GHR: variants seen among roughly 807,000 people sequenced by gnomAD.
The protein encoded by GHR is growth hormone receptor, also known as GH receptor.
Under a neutral mutation model 67.1 loss-of-function variants are expected in GHR, and 35 were observed. The ratio of observed to expected loss-of-function variants is 0.52; its 90% CI spans 0.40 to 0.69. The LOEUF is 0.69. Ranked by LOEUF, GHR falls within the 30% of genes least tolerant of loss-of-function variation. The probability of loss-of-function intolerance (pLI) is 0.00; values close to 1 mark genes in which losing one functional copy is unlikely to be tolerated. For synonymous variants in GHR, 272 were observed against 269.1 expected (o/e 1.01, Z -0.10); for missense variants, 792 against 764.6 (o/e 1.04, Z -0.42).
intron 3 of GHR, among the ~76,000 whole-genome samples, chr5:42,668,065 TAATTCTCACTGC>T (rs1458993235): frequency 6.6e-6 from 1 of 152,208 alleles, no homozygotes; most frequent in Non-Finnish European, 1.5e-5. Context: ...GTCATTTTTA[TAATTCTCACTGC>T]ACCTAAAGAG....
At chr5:42,649,181 T>C (rs1232076357) in intron 3 of GHR, among the ~76,000 whole-genome samples, 3 of 152,194 alleles carry the variant, frequency 2.0e-5, no homozygotes, top group Admixed American at 1.3e-4. Flanking sequence ...CAAGTATAAA[T>C]ACTACCTACT....
chr5:42,698,909 A>C (rs1235695306), intron 5 of GHR, among the ~76,000 whole-genome samples: 1 of 152,178 alleles, frequency 6.6e-6, no homozygotes. Flanking sequence ...TGGAATCCAT[A>C]TTTTTCTTCA....
chr5:42,678,580 A>G (rs1756683102), intron 3 of GHR, among the ~76,000 whole-genome samples: 1 of 152,212 alleles, frequency 6.6e-6, no homozygotes, highest in South Asian at 2.1e-4. Flanking sequence ...ATGTCTTAGG[A>G]AAAATAATTT....
chr5:42,689,163 A>G, intron 4 of GHR, 144 bp downstream of exon 4: 1 of 824,592 alleles, frequency 1.2e-6, no homozygotes, highest in Admixed American at 1.9e-5. Flanking sequence ...ATTGAAAAAA[A>G]TATTAATCAA....
At chr5:42,591,186 A>G (rs1442797259) in intron 2 of GHR, among the ~76,000 whole-genome samples, 1 of 152,252 alleles carries the variant, frequency 6.6e-6, no homozygotes, top group Admixed American at 6.5e-5. Context: ...CAGCTGTGAC[A>G]TTGTCAAGGG....
chr5:42,436,419 A>G (rs938846263), intron 1 of GHR, among the ~76,000 whole-genome samples: 1 of 152,192 alleles, frequency 6.6e-6, no homozygotes, highest in Non-Finnish European at 1.5e-5. Flanking sequence ...GATGCATGGT[A>G]TACACTTCTT....
rs571316313 is a variant in GHR at position 42,672,218 on chromosome 5, C to G, written c.137-16672C>G. ...AAATCAAACTACCTCTCTTTACTGA[C>G]TATATAATTCTATGCCTAGAAAAAC... On this transcript the variant is annotated intron_variant, in intron 3 of 9. Coordinates refer to ENST00000230882, the MANE Select transcript of GHR (RefSeq NM_000163.5). Among the ~76,000 whole-genome samples the G allele has an allele frequency of 2.6e-5, 4 of 152,220 alleles. No homozygotes were observed. In the South Asian group the frequency reaches 8.3e-4, roughly 32 times the overall value.
chr5:42,602,475 G>T (rs1752426343), intron 2 of GHR, among the ~76,000 whole-genome samples: 1 of 152,080 alleles, frequency 6.6e-6, no homozygotes, highest in Admixed American at 6.5e-5. Flanking sequence ...CAGCCATTCT[G>T]TATCTTTTTT....
At chr5:42,611,174 G>A (rs139029878) in intron 2 of GHR, among the ~76,000 whole-genome samples, 185 of 152,204 alleles carry the variant, frequency 1.2e-3, no homozygotes, top group African/African-American at 4.3e-3. Context: ...TTAGATATGT[G>A]ATCTTATATC....
At chr5:42,555,204 A>C (rs770654198) in intron 1 of GHR, among the ~76,000 whole-genome samples, 6 of 152,182 alleles carry the variant, frequency 3.9e-5, no homozygotes, top group Non-Finnish European at 7.4e-5. Flanking sequence ...ATAGCTCTTG[A>C]GTAATGTACC....
At chr5:42,437,204 T>C (rs1334245389) in intron 1 of GHR, among the ~76,000 whole-genome samples, 1 of 152,234 alleles carries the variant, frequency 6.6e-6, no homozygotes, top group African/African-American at 2.4e-5. Context: ...GTTTAGAGCA[T>C]TGCATATTTT....
intron 1 of GHR, among the ~76,000 whole-genome samples, chr5:42,430,607 C>CGTGTGT (rs141602161): frequency 0.38 from 56,203 of 147,254 alleles, 10,901 homozygotes; most frequent in East Asian, 0.63. Flanking sequence ...ATGCTAGTCC[C>CGTGTGT]GTGTGTGTGT....
At chr5:42,485,908 G>T (rs1745857806) in intron 1 of GHR, among the ~76,000 whole-genome samples, 1 of 152,130 alleles carries the variant, frequency 6.6e-6, no homozygotes, top group Non-Finnish European at 1.5e-5. Flanking sequence ...CTGTTCTACT[G>T]AAGTCCATAC....
intron 1 of GHR, among the ~76,000 whole-genome samples, chr5:42,436,068 A>G (rs546613219): frequency 3.3e-4 from 51 of 152,338 alleles, no homozygotes; most frequent in African/African-American, 1.2e-3. Context: ...GAACATTGGT[A>G]TAAAACAGGA....
chr5:42,480,752 G>C (rs747373959), intron 1 of GHR, among the ~76,000 whole-genome samples: 73 of 152,164 alleles, frequency 4.8e-4, no homozygotes, highest in Admixed American at 1.5e-3. Context: ...AGATCTTCAT[G>C]CGTCCCTTTA....
intron 2 of GHR, among the ~76,000 whole-genome samples, chr5:42,594,942 T>G (rs966829330): frequency 1.3e-5 from 2 of 152,124 alleles, no homozygotes; most frequent in Non-Finnish European, 2.9e-5. Flanking sequence ...AATAGTAGCT[T>G]AATATTATTA....
chr5:42,678,834 G>A (rs1444630410), intron 3 of GHR, among the ~76,000 whole-genome samples: 1 of 151,612 alleles, frequency 6.6e-6, no homozygotes, highest in Non-Finnish European at 1.5e-5. Context: ...ACTGAAATCA[G>A]AATTCATTGC....
At chr5:42,549,581 A>G in intron 1 of GHR, 1 of 597,418 alleles carries the variant, frequency 1.7e-6, no homozygotes, top group Non-Finnish European at 2.1e-6. Flanking sequence ...AAGATGGATT[A>G]AGTGAGAAGA....
intron 3 of GHR, among the ~76,000 whole-genome samples, chr5:42,655,286 G>A (rs760276653): frequency 1.3e-5 from 2 of 152,112 alleles, no homozygotes; most frequent in Non-Finnish European, 2.9e-5. Flanking sequence ...GCTTCTAACA[G>A]AGCAATTATT....
Sources: allele counts gnomAD v4.1 joint callset (sites outside exome capture counted in the v4.1 genomes callset), GRCh38; gene constraint gnomAD v4.1.1; transcripts MANE v1.5; gene names NCBI Gene and HGNC (gene_info 2026-07-23, HGNC 2026-07-21).